RAB5C: variants seen among roughly 807,000 people sequenced by gnomAD.
RAB5C encodes the protein ras-related protein Rab-5C.
A neutral mutation model predicts 25.2 loss-of-function variants in RAB5C; 4 were observed. The observed-to-expected ratio is 0.16, with a 90% confidence interval of 0.08 to 0.36. The LOEUF is 0.36. Among genes scored for constraint, RAB5C ranks in the 10% least tolerant of loss-of-function variants. The probability of loss-of-function intolerance (pLI) is 1.00; values close to 1 mark genes in which losing one functional copy is unlikely to be tolerated. For missense variants in RAB5C, 199 were observed against 283.8 expected (o/e 0.70, Z 2.15); for synonymous variants, 100 against 106.4 (o/e 0.94, Z 0.37).
At chr17:42,133,763 T>C (rs2054509464) in intron 1 of RAB5C, among the ~76,000 whole-genome samples, 1 of 152,202 alleles carries the variant, frequency 6.6e-6, no homozygotes, top group South Asian at 2.1e-4. Flanking sequence ...CACACCAGGG[T>C]TAATGGCAGT....
chr17:42,148,402 T>G (rs1382068335), intron 1 of RAB5C, among the ~76,000 whole-genome samples: 2 of 54,918 alleles, frequency 3.6e-5, no homozygotes, highest in Non-Finnish European at 5.8e-5. Flanking sequence ...AGACTCCATC[T>G]CAAAAAAAAA....
chr17:42,151,111 C>A (rs77762839), intron 1 of RAB5C, among the ~76,000 whole-genome samples: 1 of 152,144 alleles, frequency 6.6e-6, no homozygotes, highest in Non-Finnish European at 1.5e-5. Context: ...TTCCACCCGA[C>A]CACACTGCCT....
chr17:42,135,696 A>G (rs997260388), intron 1 of RAB5C, among the ~76,000 whole-genome samples: 2 of 152,120 alleles, frequency 1.3e-5, no homozygotes, highest in Non-Finnish European at 2.9e-5. Context: ...TGCTGCTGCA[A>G]TTCCTCCCCC....
intron 1 of RAB5C, chr17:42,137,749 T>C (rs1365897836): frequency 1.3e-5 from 2 of 152,008 alleles, no homozygotes; most frequent in Non-Finnish European, 2.9e-5. Flanking sequence ...TAGCTGGGCG[T>C]GGTGGCGCAT....
At chr17:42,143,412 G>A (rs1218518434) in intron 1 of RAB5C, among the ~76,000 whole-genome samples, 1 of 152,182 alleles carries the variant, frequency 6.6e-6, no homozygotes, top group East Asian at 1.9e-4. Flanking sequence ...TGAGGCAAGT[G>A]GATCACTTGA....
At chr17:42,146,710 C>G (rs1438403679) in intron 1 of RAB5C, among the ~76,000 whole-genome samples, 2 of 150,832 alleles carry the variant, frequency 1.3e-5, no homozygotes, top group Non-Finnish European at 2.9e-5. Flanking sequence ...GATGGCATCA[C>G]TGCACTCCAG....
chr17:42,151,760 G>A (rs2079673138), intron 1 of RAB5C, among the ~76,000 whole-genome samples: 2 of 152,178 alleles, frequency 1.3e-5, no homozygotes, highest in South Asian at 2.1e-4. Flanking sequence ...CTCAGGCCCT[G>A]AAGAGTACTG....
chr17:42,150,468 C>G (rs545757004), intron 1 of RAB5C, among the ~76,000 whole-genome samples: 1 of 133,892 alleles, frequency 7.5e-6, no homozygotes, highest in African/African-American at 2.9e-5. Flanking sequence ...AGCTTGAGCC[C>G]GGGAGACAGA....
At chr17:42,153,123 T>G (rs1384217722) in intron 1 of RAB5C, among the ~76,000 whole-genome samples, 3 of 152,000 alleles carry the variant, frequency 2.0e-5, no homozygotes, top group Non-Finnish European at 2.9e-5. Flanking sequence ...CGATAAAAAG[T>G]GAAATAAGTA....
chr17:42,136,632 C>A (rs970384672), intron 1 of RAB5C: 2 of 152,332 alleles, frequency 1.3e-5, no homozygotes, highest in African/African-American at 4.8e-5. Flanking sequence ...AAACAATGCA[C>A]CACAGTATCA....
At chr17:42,128,472 A>C in intron 3 of RAB5C, 89 bp from the exon 4 acceptor site, 1 of 1,506,262 alleles carries the variant, frequency 6.6e-7, no homozygotes, top group Non-Finnish European at 8.9e-7. Flanking sequence ...GGCACAGCCA[A>C]ATTATCTAAG....
intron 1 of RAB5C, 54 bp from the exon 2 acceptor site, chr17:42,130,644 T>C: frequency 1.4e-6 from 2 of 1,461,518 alleles, no homozygotes; most frequent in East Asian, 5.0e-5. Flanking sequence ...TCACCCGCTG[T>C]GTCCTTCTTA....
At chr17:42,136,766 G>A (rs2054540380) in intron 1 of RAB5C, among the ~76,000 whole-genome samples, 1 of 152,096 alleles carries the variant, frequency 6.6e-6, no homozygotes, top group Non-Finnish European at 1.5e-5. Context: ...AAAAAATGAA[G>A]GTGAGGAGAA....
rs1555668482 is a variant in RAB5C at position 42,125,395 on chromosome 17, G to C, written c.*388C>G. ...AGTGAGGATGTGGATGCTCTTGCTG[G>C]GTCCGCTGTTCCGCAGGAGGGAAAG... On this transcript the variant is annotated 3_prime_UTR_variant, in exon 6 of 6. Coordinates refer to ENST00000346213, the MANE Select transcript of RAB5C (RefSeq NM_004583.4). 6.0e-6 allele frequency: 1 copy of C among 165,870 alleles called. No individual in the cohort carries two copies. The highest frequency in any genetic ancestry group is 1.3e-5 in the Non-Finnish European group (1 of 76,414). The allele number at this position is 165,870 out of a possible 1,614,324, so 10.3% of individuals were successfully genotyped here.
chr17:42,131,741 G>T, intron 1 of RAB5C: 2 of 878,942 alleles, frequency 2.3e-6, no homozygotes, highest in Non-Finnish European at 3.5e-6. Flanking sequence ...CACTTGGTTA[G>T]TGACAGCTTC....
chr17:42,130,515 T>C lies in RAB5C; in HGVS notation c.-13A>G, dbSNP rs2054473907. 3 of 1,613,792 alleles carry C rather than the reference T, an allele frequency of 1.9e-6. No homozygotes were observed. Among genetic ancestry groups the C allele is most frequent in the Non-Finnish European group, 1.7e-6 (2 of 1,180,000 alleles). On this transcript the variant is annotated 5_prime_UTR_variant, in exon 2 of 6. Transcript: ENST00000346213. ...CCCGACCCGCCATTGCCCGTCCAGC[T>C]GTAGTGGTCCAGAGAGCGTGCGGGT...
chr17:42,150,216 C>T (rs1476651662), intron 1 of RAB5C, among the ~76,000 whole-genome samples: 4 of 151,742 alleles, frequency 2.6e-5, no homozygotes, highest in Admixed American at 6.6e-5. Flanking sequence ...TGGGATCAAG[C>T]GATCCTCCCA....
At chr17:42,132,335 C>A (rs146239852) in intron 1 of RAB5C, among the ~76,000 whole-genome samples, 1 of 152,254 alleles carries the variant, frequency 6.6e-6, no homozygotes, top group African/African-American at 2.4e-5. Flanking sequence ...GAAGGAAGTA[C>A]GGGGTGGTGG....
chr17:42,130,640 G>T (rs769615412), intron 1 of RAB5C, 50 bp from the exon 2 acceptor site: 2 of 1,465,056 alleles, frequency 1.4e-6, no homozygotes, highest in Non-Finnish European at 1.8e-6. Flanking sequence ...GCCGTCACCC[G>T]CTGTGTCCTT....
Sources: allele counts gnomAD v4.1 joint callset (sites outside exome capture counted in the v4.1 genomes callset), GRCh38; gene constraint gnomAD v4.1.1; transcripts MANE v1.5; gene names NCBI Gene and HGNC (gene_info 2026-07-23, HGNC 2026-07-21).